Variants in NPY2R observed in about 807,000 individuals in gnomAD.
NPY2R encodes neuropeptide Y receptor type 2.
Under a neutral mutation model 22.3 loss-of-function variants are expected in NPY2R, and 17 were observed. The observed-to-expected ratio is 0.76, with a 90% CI of 0.52 to 1.14. The LOEUF (loss-of-function observed/expected upper bound fraction) is 1.14, where lower values mean the gene tolerates loss of function less well. Ranked by LOEUF, NPY2R falls within the 50% of genes most tolerant of loss-of-function variation. NPY2R has a pLI of 0.00. For synonymous variants in NPY2R, 209 were observed against 183.4 expected (o/e 1.14, Z -1.13); for missense variants, 424 against 467.9 (o/e 0.91, Z 0.87).
chr4:155,179,011 C>T, the NPY2R span, among the ~76,000 whole-genome samples: 1 of 152,112 alleles, frequency 6.6e-6, no homozygotes, highest in Non-Finnish European at 1.5e-5. Context: ...ACTCACTATA[C>T]TTCTTATTTC....
At position 155,213,927 on chromosome 4, in the gene NPY2R, A is replaced by C; in HGVS notation, c.-13A>C. ...CTTGTGCTGGTTGCAGGCCAAGTGG[A>C]CCTGTACTGAAAATGGGTCCAATAG... On this transcript the variant is annotated 5_prime_UTR_variant, in exon 2 of 2. Coordinates refer to ENST00000329476, the MANE Select transcript of NPY2R (RefSeq NM_000910.4). 2 of 1,611,918 alleles carry C rather than the reference A, an allele frequency of 1.2e-6. No individual in the cohort carries two copies. Among genetic ancestry groups the C allele is most frequent in the South Asian group, 1.1e-5 (1 of 91,024 alleles).
Position 155,213,923 on chromosome 4 carries a change from G to A in NPY2R, c.-17G>A, listed in dbSNP as rs1250677442. On this transcript the variant is annotated 5_prime_UTR_variant, in exon 2 of 2. In the 5' UTR this introduces an upstream ATG that the reference lacks. Coordinates refer to ENST00000329476, the MANE Select transcript of NPY2R (RefSeq NM_000910.4). ...GACTCTTGTGCTGGTTGCAGGCCAA[G>A]TGGACCTGTACTGAAAATGGGTCCA... 6.2e-7 allele frequency: 1 copy of A among 1,609,768 alleles called. No homozygotes were observed. Among genetic ancestry groups the A allele is most frequent in the African/African-American group, 1.3e-5 (1 of 74,916 alleles).
the NPY2R span, among the ~76,000 whole-genome samples, chr4:155,193,917 A>T: frequency 6.6e-6 from 1 of 151,932 alleles, no homozygotes; most frequent in African/African-American, 2.4e-5. Flanking sequence ...GCTGGGAAAT[A>T]GGTATTCATC....
the NPY2R span, among the ~76,000 whole-genome samples, chr4:155,197,492 A>C: frequency 6.6e-6 from 1 of 151,160 alleles, no homozygotes; most frequent in Non-Finnish European, 1.5e-5. Flanking sequence ...TTCTTTCCTG[A>C]CTAGGAGGAG....
At chr4:155,190,436 A>G in the NPY2R span, among the ~76,000 whole-genome samples, 1 of 152,010 alleles carries the variant, frequency 6.6e-6, no homozygotes, top group Non-Finnish European at 1.5e-5. Flanking sequence ...AAAACAGGTA[A>G]CACAGTTTCA....
chr4:155,184,720 T>G, the NPY2R span, among the ~76,000 whole-genome samples: 1 of 152,144 alleles, frequency 6.6e-6, no homozygotes, highest in Non-Finnish European at 1.5e-5. Flanking sequence ...CTGAGAATCA[T>G]TCTCAAATAT....
At chr4:155,207,190 A>G (rs749846587), upstream of NPY2R, 1 of 152,238 alleles carries the variant, frequency 6.6e-6, no homozygotes, top group Non-Finnish European at 1.5e-5. Flanking sequence ...TGCCTTACAA[A>G]TGCAATACTA....
At chr4:155,191,760 A>G in the NPY2R span, among the ~76,000 whole-genome samples, 3 of 151,816 alleles carry the variant, frequency 2.0e-5, no homozygotes, top group Non-Finnish European at 4.4e-5. Flanking sequence ...TGGACTTTCT[A>G]GTGTACTTAT....
the NPY2R span, among the ~76,000 whole-genome samples, chr4:155,195,283 T>C: frequency 6.6e-6 from 1 of 151,920 alleles, no homozygotes; most frequent in Non-Finnish European, 1.5e-5. Flanking sequence ...CTTTATTTAT[T>C]GGCATATTTG....
chr4:155,212,691 T>C (rs1215526741), intron 1 of NPY2R, among the ~76,000 whole-genome samples: 1 of 152,150 alleles, frequency 6.6e-6, no homozygotes, highest in Non-Finnish European at 1.5e-5. Flanking sequence ...GTAATCATGA[T>C]AAGAGATTAA....
chr4:155,199,779 G>T, the NPY2R span, among the ~76,000 whole-genome samples: 3 of 152,106 alleles, frequency 2.0e-5, no homozygotes, highest in African/African-American at 7.2e-5. Flanking sequence ...TTTAATAAAT[G>T]GTGCCAGGAA....
At chr4:155,186,525 T>C in the NPY2R span, among the ~76,000 whole-genome samples, 1 of 152,182 alleles carries the variant, frequency 6.6e-6, no homozygotes, top group Non-Finnish European at 1.5e-5. Context: ...TATGTTTGCA[T>C]TGTGGATTGG....
the NPY2R span, among the ~76,000 whole-genome samples, chr4:155,176,385 G>A: frequency 2.0e-5 from 3 of 152,058 alleles, no homozygotes; most frequent in Non-Finnish European, 2.9e-5. Flanking sequence ...CTTTCTTCTC[G>A]GGCGGGGTCT....
At chr4:155,195,933 TC>T in the NPY2R span, among the ~76,000 whole-genome samples, 1 of 152,008 alleles carries the variant, frequency 6.6e-6, no homozygotes, top group Non-Finnish European at 1.5e-5. Flanking sequence ...AGAAAATAAC[TC>T]AGTGATGATA....
the NPY2R span, among the ~76,000 whole-genome samples, chr4:155,188,115 A>T: frequency 6.6e-6 from 1 of 152,078 alleles, no homozygotes; most frequent in African/African-American, 2.4e-5. Context: ...AAGCACTATG[A>T]GTACAACAGA....
At chr4:155,199,986 G>A in the NPY2R span, among the ~76,000 whole-genome samples, 1 of 152,006 alleles carries the variant, frequency 6.6e-6, no homozygotes, top group South Asian at 2.1e-4. Context: ...AAAAGCAACT[G>A]CAACAAAAGC....
chr4:155,212,923 G>T (rs903407964), intron 1 of NPY2R, among the ~76,000 whole-genome samples: 1 of 152,172 alleles, frequency 6.6e-6, no homozygotes, highest in Non-Finnish European at 1.5e-5. Flanking sequence ...AACGTGGTAT[G>T]TAATACACCA....
At chr4:155,185,718 C>G in the NPY2R span, among the ~76,000 whole-genome samples, 3 of 149,608 alleles carry the variant, frequency 2.0e-5, no homozygotes, top group Non-Finnish European at 4.4e-5. Flanking sequence ...CAACAAAAAT[C>G]AAACAAGTTG....
the NPY2R span, among the ~76,000 whole-genome samples, chr4:155,174,929 G>A: frequency 0.039 from 5,884 of 151,974 alleles, 381 homozygotes; most frequent in African/African-American, 0.14. Context: ...ATGTAAAATC[G>A]CATTTAATAA....
Sources: gnomAD v4.1 joint callset for allele counts (sites outside exome capture counted in the v4.1 genomes callset) on GRCh38, gnomAD v4.1.1 for gene constraint, MANE v1.5 for transcripts, NCBI Gene and HGNC (gene_info 2026-07-23, HGNC 2026-07-21) for gene names.